The following BEND6 variants were observed in gnomAD, a reference collection of about 807,000 sequenced individuals.
BEND6 encodes BEN domain-containing protein 6.
In BEND6, 24 loss-of-function variants were observed where a neutral mutation model predicts 31.8. The ratio of observed to expected loss-of-function variants is 0.75; its 90% CI spans 0.55 to 1.06. The LOEUF is 1.06. BEND6 is among the 50% of genes least tolerant of loss of function. The pLI, the probability that BEND6 is intolerant of heterozygous loss-of-function variation, is 0.00. For synonymous variants in BEND6, 109 were observed against 114.6 expected (o/e 0.95, Z 0.31); for missense variants, 294 against 327.4 (o/e 0.90, Z 0.79).
chr6:57,020,611 G>A (rs143907548), intron 6 of BEND6, among the ~76,000 whole-genome samples: 1,584 of 151,888 alleles, frequency 0.01, 14 homozygotes, highest in Non-Finnish European at 0.016. Context: ...AGTAGAGACG[G>A]GGGTTTCACC....
intron 3 of BEND6, among the ~76,000 whole-genome samples, chr6:57,011,535 T>C (rs1384995823): frequency 2.0e-5 from 3 of 150,932 alleles, no homozygotes; most frequent in East Asian, 3.9e-4. Context: ...CTGGGCAACA[T>C]AGGGAGACTC....
At chr6:56,960,169 T>C (rs1413984431) in intron 1 of BEND6, among the ~76,000 whole-genome samples, 1 of 152,148 alleles carries the variant, frequency 6.6e-6, no homozygotes, top group East Asian at 1.9e-4. Context: ...GGCCAGAAAA[T>C]TTACTCATAG....
chr6:56,959,635 C>T (rs1223744172), intron 1 of BEND6, among the ~76,000 whole-genome samples: 3 of 152,112 alleles, frequency 2.0e-5, no homozygotes, highest in African/African-American at 7.2e-5. Flanking sequence ...GCCACCAGAA[C>T]CAGGGAAACC....
intron 1 of BEND6, among the ~76,000 whole-genome samples, chr6:56,961,659 A>G (rs1016873051): frequency 1.3e-5 from 2 of 152,238 alleles, no homozygotes; most frequent in East Asian, 3.8e-4. Context: ...CACAGTCTGC[A>G]AAAATTGCTA....
At chr6:56,977,770 A>G (rs192633721) in intron 1 of BEND6, among the ~76,000 whole-genome samples, 3 of 152,264 alleles carry the variant, frequency 2.0e-5, no homozygotes, top group East Asian at 3.9e-4. Context: ...CAACCTAGAC[A>G]ATACAGTGAG....
intron 1 of BEND6, among the ~76,000 whole-genome samples, chr6:56,972,493 CAA>C (rs1302705588): frequency 2.0e-5 from 3 of 152,096 alleles, no homozygotes; most frequent in African/African-American, 7.2e-5. Context: ...TTTAAAGTAA[CAA>C]AGTGTAACTC....
chr6:56,975,326 T>C (rs1188263831), intron 1 of BEND6, among the ~76,000 whole-genome samples: 1 of 152,130 alleles, frequency 6.6e-6, no homozygotes, highest in Non-Finnish European at 1.5e-5. Flanking sequence ...GTATATTTTC[T>C]TTAAAAAAAT....
intron 4 of BEND6, among the ~76,000 whole-genome samples, chr6:57,015,673 C>T (rs375965312): frequency 8.6e-5 from 13 of 151,324 alleles, no homozygotes; most frequent in East Asian, 1.9e-4. Flanking sequence ...GACGTGATGA[C>T]GGGCACCTGT....
chr6:57,020,109 G>T (rs1308095409), intron 6 of BEND6, among the ~76,000 whole-genome samples: 1 of 152,058 alleles, frequency 6.6e-6, no homozygotes, highest in Non-Finnish European at 1.5e-5. Context: ...AGTTATAAAA[G>T]ATAAGGTTAC....
rs973630619 is a variant in BEND6, at chr6:56,955,296, C to A, written c.-265C>A. The A allele has an allele frequency of 1.3e-5, 2 of 152,336 alleles. No homozygotes were observed. The highest frequency in any genetic ancestry group is 4.8e-5 in the African/African-American group (2 of 41,574). The allele number at this position is 152,336 out of a possible 1,614,324, so 9.4% of individuals were successfully genotyped here. ...CCGGACACCCGGAGCTTCCGCCTAT[C>A]CAGCCTCCCTCGGCCAAATTGCTGC... On this transcript the variant is annotated 5_prime_UTR_variant, in exon 1 of 7. Coordinates refer to ENST00000370746, the MANE Select transcript of BEND6 (RefSeq NM_152731.3).
At chr6:56,969,105 A>T (rs1825597749) in intron 1 of BEND6, among the ~76,000 whole-genome samples, 1 of 151,980 alleles carries the variant, frequency 6.6e-6, no homozygotes, top group Non-Finnish European at 1.5e-5. Flanking sequence ...TGAAGGAAGT[A>T]AAAACAGACA....
chr6:56,998,866 G>A (rs1028657015), intron 3 of BEND6, among the ~76,000 whole-genome samples: 3 of 152,160 alleles, frequency 2.0e-5, no homozygotes, highest in Non-Finnish European at 4.4e-5. Flanking sequence ...CTCTGAAATG[G>A]AGAAAATGTT....
In BEND6 at chr6:56,981,794, G is replaced by A; in HGVS notation, c.-17G>A. The A allele has an allele frequency of 6.2e-7, 1 of 1,610,690 alleles. No homozygotes were observed. The highest frequency in any genetic ancestry group is 8.5e-7 in the Non-Finnish European group (1 of 1,178,618). On this transcript the variant is annotated 5_prime_UTR_variant, in exon 2 of 7. Coordinates refer to ENST00000370746, the MANE Select transcript of BEND6 (RefSeq NM_152731.3). The stretch of plus-strand genomic sequence containing the variant: ...ACTCCTAGGATTTCAGAAAACCTTT[G>A]ATAACTAATTGAGAAAATGCAGAAG...
intron 3 of BEND6, chr6:57,010,925 A>C: frequency 2.1e-6 from 1 of 487,070 alleles, no homozygotes. Context: ...ACTCAAGAAA[A>C]ATAAAAGATT....
At chr6:57,024,001 T>C (rs1827829632) in intron 6 of BEND6, among the ~76,000 whole-genome samples, 2 of 152,322 alleles carry the variant, frequency 1.3e-5, no homozygotes, top group Admixed American at 1.3e-4. Flanking sequence ...ATGAAGCTTA[T>C]AAAAATATAC....
chr6:57,021,086 G>A (rs1827727919), intron 6 of BEND6, among the ~76,000 whole-genome samples: 1 of 152,170 alleles, frequency 6.6e-6, no homozygotes, highest in Non-Finnish European at 1.5e-5. Context: ...ATAGTGCCAA[G>A]TTGTTTAGAC....
intron 3 of BEND6, among the ~76,000 whole-genome samples, chr6:57,007,497 A>C (rs1827200275): frequency 6.6e-6 from 1 of 152,164 alleles, no homozygotes; most frequent in Admixed American, 6.6e-5. Flanking sequence ...ATAGGACCTT[A>C]AAAGCACAGG....
chr6:56,981,499 TCA>T (rs1332577668), intron 1 of BEND6, among the ~76,000 whole-genome samples: 3 of 152,192 alleles, frequency 2.0e-5, no homozygotes, highest in Admixed American at 2.0e-4. Context: ...AAATTACAAC[TCA>T]CTGCATATCA....
chr6:56,973,539 G>T (rs1161713013), intron 1 of BEND6, among the ~76,000 whole-genome samples: 2 of 152,146 alleles, frequency 1.3e-5, no homozygotes, highest in Non-Finnish European at 1.5e-5. Flanking sequence ...CAATTATAAT[G>T]ATATACTGTA....
Sources: gnomAD v4.1 joint callset for allele counts (sites outside exome capture counted in the v4.1 genomes callset) on GRCh38, gnomAD v4.1.1 for gene constraint, MANE v1.5 for transcripts, NCBI Gene and HGNC (gene_info 2026-07-23, HGNC 2026-07-21) for gene names.